ANO4: variants seen among roughly 807,000 people sequenced by gnomAD.
The protein encoded by ANO4 is anoctamin-4.
In ANO4, 69 loss-of-function variants were observed where a neutral mutation model predicts 141.9. The ratio of observed to expected loss-of-function variants is 0.49; its 90% CI spans 0.40 to 0.59. ANO4 has a LOEUF of 0.59. Among genes scored for constraint, ANO4 ranks in the 20% least tolerant of loss-of-function variants. ANO4 has a pLI of 0.00. For synonymous variants in ANO4, 350 were observed against 394.3 expected (o/e 0.89, Z 1.33); for missense variants, 894 against 1,162.2 (o/e 0.77, Z 3.36).
intron 1 of ANO4, among the ~76,000 whole-genome samples, chr12:100,829,246 G>A (rs79823588): frequency 0.1 from 15,148 of 152,024 alleles, 869 homozygotes; most frequent in South Asian, 0.17. Context: ...TGCTTATTAG[G>A]TGGGTAACTT....
At chr12:100,829,397 G>A (rs1687517137) in intron 1 of ANO4, among the ~76,000 whole-genome samples, 1 of 151,966 alleles carries the variant, frequency 6.6e-6, no homozygotes, top group Admixed American at 6.6e-5. Flanking sequence ...ACAAAGAATG[G>A]CATGCAATAG....
chr12:101,036,557 C>T (rs977198953), intron 9 of ANO4, among the ~76,000 whole-genome samples: 1 of 152,132 alleles, frequency 6.6e-6, no homozygotes, highest in Admixed American at 6.5e-5. Flanking sequence ...CATGGATGAA[C>T]TTGGAAGGCA....
Position 101,062,720 on chromosome 12 carries a change from C to T in ANO4, c.1312+14319C>T, listed in dbSNP as rs139167580. Among the ~76,000 whole-genome samples, 119 of 152,266 alleles carry T rather than the reference C, an allele frequency of 7.8e-4. No homozygotes were observed. In the East Asian group the frequency reaches 0.02, roughly 26 times the overall value. On this transcript the variant is annotated intron_variant, in intron 14 of 27. Transcript: ENST00000392977. ...TTACCTACTCAAGCCTCAGCAATGG[C>T]GGACACCCCTCCCCCCACCAAGCTT...
Position 101,116,671 on chromosome 12 carries a change from T to A in ANO4, c.2451-8T>A. The A allele has an allele frequency of 6.2e-7, 1 of 1,614,120 alleles. No homozygotes were observed. The highest frequency in any genetic ancestry group is 8.5e-7 in the Non-Finnish European group (1 of 1,179,992). The stretch of plus-strand genomic sequence containing the variant: ...TGTTCTAATGGTAGAATGTGCCTCC[T>A]CTTATAGGTGCATGGTTGGCTATGT... On this transcript the variant is annotated splice_region_variant and splice_polypyrimidine_tract_variant and intron_variant, in intron 24 of 27. Coordinates refer to ENST00000392977, the MANE Select transcript of ANO4 (RefSeq NM_001286615.2).
intron 5 of ANO4, among the ~76,000 whole-genome samples, chr12:100,952,247 C>G (rs2043000045): frequency 6.6e-6 from 1 of 152,208 alleles, no homozygotes; most frequent in Admixed American, 6.5e-5. Context: ...TACTACTTCA[C>G]CACTTACTAA....
intron 7 of ANO4, among the ~76,000 whole-genome samples, chr12:100,986,154 C>G (rs1282198270): frequency 6.6e-6 from 1 of 152,128 alleles, no homozygotes; most frequent in Admixed American, 6.5e-5. Context: ...GCTCCTGGTT[C>G]TCTGGCCTTC....
intron 14 of ANO4, among the ~76,000 whole-genome samples, chr12:101,077,942 A>G (rs926228104): frequency 1.3e-5 from 2 of 152,280 alleles, no homozygotes; most frequent in East Asian, 1.9e-4. Flanking sequence ...TGATTTGCCA[A>G]CAGTAGCACA....
At chr12:100,733,302 TG>T (rs1482052040) in intron 1 of ANO4, among the ~76,000 whole-genome samples, 1 of 152,136 alleles carries the variant, frequency 6.6e-6, no homozygotes, top group Non-Finnish European at 1.5e-5. Flanking sequence ...GGATGGAGGA[TG>T]GGGATGATAG....
At chr12:101,039,877 A>G in intron 10 of ANO4, 78 bp from the exon 11 acceptor site, 2 of 1,492,750 alleles carry the variant, frequency 1.3e-6, no homozygotes, top group Non-Finnish European at 1.8e-6. Context: ...ACCTGCTGTA[A>G]GACACTTACA....
chr12:100,901,970 T>C (rs2040614839), intron 2 of ANO4, 130 bp downstream of exon 2: 1 of 866,062 alleles, frequency 1.2e-6, no homozygotes, highest in East Asian at 2.6e-5. Context: ...CTTGTTCTAT[T>C]TCCCCTTCTG....
intron 14 of ANO4, among the ~76,000 whole-genome samples, chr12:101,049,446 A>T (rs1018840457): frequency 1.3e-5 from 2 of 151,260 alleles, no homozygotes; most frequent in Non-Finnish European, 2.9e-5. Context: ...TAGTAGATTT[A>T]TGGTCCTTGA....
chr12:100,963,598 C>G (rs1297552119), intron 5 of ANO4, among the ~76,000 whole-genome samples: 1 of 152,050 alleles, frequency 6.6e-6, no homozygotes, highest in Non-Finnish European at 1.5e-5. Flanking sequence ...TCCAATGTGT[C>G]CCTAAGGGAA....
At chr12:100,842,034 C>G (rs1279048484) in intron 1 of ANO4, among the ~76,000 whole-genome samples, 1 of 119,544 alleles carries the variant, frequency 8.4e-6, no homozygotes, top group Non-Finnish European at 1.6e-5. Context: ...TAGCTTCTGA[C>G]AAATGCCAAA....
At chr12:100,993,044 C>T (rs760496802) in intron 8 of ANO4, among the ~76,000 whole-genome samples, 1 of 152,020 alleles carries the variant, frequency 6.6e-6, no homozygotes, top group Non-Finnish European at 1.5e-5. Flanking sequence ...TTAAAACTAG[C>T]AGGGCGTGGT....
At position 101,073,927 on chromosome 12, in the gene ANO4, C is replaced by T. The variant is rs73379452; in HGVS notation, c.1313-5266C>T. Among the ~76,000 whole-genome samples the T allele has an allele frequency of 5.5e-3, 843 of 152,114 alleles. 13 individuals carry two copies. Among genetic ancestry groups the T allele is most frequent in the African/African-American group, 0.02 (813 of 41,496 alleles). On this transcript the variant is annotated intron_variant, in intron 14 of 27. Coordinates refer to ENST00000392977, the MANE Select transcript of ANO4 (RefSeq NM_001286615.2). ...GATTTTATTTGTGGATAGGTAGGTA[C>T]ATGGTGGAGGTGAAGGTAGAAAATG... is the stretch of plus-strand genomic sequence containing the variant.
At chr12:101,127,367 T>C (rs1046654027) in intron 27 of ANO4, among the ~76,000 whole-genome samples, 2 of 152,142 alleles carry the variant, frequency 1.3e-5, no homozygotes, top group Admixed American at 6.5e-5. Flanking sequence ...GCGTCCTCTC[T>C]CTTTTCCTCC....
chr12:101,127,150 T>A, intron 27 of ANO4, 76 bp downstream of exon 27: 1 of 1,368,248 alleles, frequency 7.3e-7, no homozygotes, highest in Non-Finnish European at 1.0e-6. Context: ...GAAGCAAAGC[T>A]TACCATTGTT....
chr12:100,901,115 C>T (rs973225941), intron 1 of ANO4, among the ~76,000 whole-genome samples: 5 of 151,756 alleles, frequency 3.3e-5, no homozygotes, highest in Admixed American at 2.0e-4. Flanking sequence ...GGAGTGGGAT[C>T]GATGAAAAAA....
At chr12:100,825,404 T>C (rs577539127) in intron 1 of ANO4, among the ~76,000 whole-genome samples, 2 of 152,154 alleles carry the variant, frequency 1.3e-5, no homozygotes, top group South Asian at 2.1e-4. Context: ...TTTCTTGATA[T>C]GTAAGGTGAG....
Sources: gnomAD v4.1 joint callset for allele counts (sites outside exome capture counted in the v4.1 genomes callset) on GRCh38, gnomAD v4.1.1 for gene constraint, MANE v1.5 for transcripts, NCBI Gene and HGNC (gene_info 2026-07-23, HGNC 2026-07-21) for gene names.